Variants in PCDHA6 observed in about 807,000 individuals in gnomAD.
The protein encoded by PCDHA6 is protocadherin alpha-6.
Under a neutral mutation model 60.3 loss-of-function variants are expected in PCDHA6, and 55 were observed. The observed-to-expected ratio is 0.91, with a 90% confidence interval of 0.73 to 1.14. PCDHA6 has a LOEUF of 1.14. PCDHA6 is among the 50% of genes most tolerant of loss of function. The pLI is 0.00. For missense variants in PCDHA6, 1,327 were observed against 1,256.5 expected (o/e 1.06, Z -0.85); for synonymous variants, 652 against 557.9 (o/e 1.17, Z -2.38).
chr5:140,883,672 T>C (rs782302494), intron 1 of PCDHA6: 2 of 1,613,366 alleles, frequency 1.2e-6, no homozygotes, highest in Non-Finnish European at 1.7e-6. Context: ...AGGAAAACAA[T>C]CCGCCGGGCT....
chr5:140,846,178 G>T (rs2150385394), intron 1 of PCDHA6, among the ~76,000 whole-genome samples: 1 of 149,272 alleles, frequency 6.7e-6, no homozygotes, highest in Non-Finnish European at 1.5e-5. Context: ...GCCTGAGTAG[G>T]CGTTTGAGTT....
In PCDHA6 at chr5:140,828,791, G is replaced by A. The variant is rs2150159012; in HGVS notation, c.700G>A (p.Asp234Asn). The change falls in exon 1 of 4, where the codon GAT becomes AAT. Residue 234 changes from aspartate to asparagine, a missense_variant. Transcript: ENST00000529310. ...GTVQLLVTVLDVNDNAPTFEQ... is the reference protein window; with the variant it reads ...GTVQLLVTVLNVNDNAPTFEQ... ...TGTTCAGCTGCTGGTCACAGTGCTG[G>A]ATGTGAATGATAATGCTCCCACTTT... 1 of 1,614,192 alleles carries A rather than the reference G, an allele frequency of 6.2e-7. No individual in the cohort carries two copies. The highest frequency in any genetic ancestry group is 8.5e-7 in the Non-Finnish European group (1 of 1,180,020).
chr5:140,932,608 T>C (rs573580763), intron 1 of PCDHA6, among the ~76,000 whole-genome samples: 1 of 151,996 alleles, frequency 6.6e-6, no homozygotes, highest in African/African-American at 2.4e-5. Flanking sequence ...TATTTTGACT[T>C]TGAAGCTGAT....
chr5:140,912,889 G>T (rs782116758), intron 1 of PCDHA6, among the ~76,000 whole-genome samples: 8 of 152,140 alleles, frequency 5.3e-5, no homozygotes, highest in Non-Finnish European at 1.2e-4. Context: ...TCATTCTGTT[G>T]ATATGATGTA....
At chr5:140,980,835 T>A (rs2096907301) in intron 2 of PCDHA6, among the ~76,000 whole-genome samples, 1 of 152,220 alleles carries the variant, frequency 6.6e-6, no homozygotes, top group South Asian at 2.1e-4. Flanking sequence ...GTTGTGAACC[T>A]AAATAATACT....
At chr5:140,993,464 A>T (rs1309811031) in intron 3 of PCDHA6, among the ~76,000 whole-genome samples, 11 of 28,960 alleles carry the variant, frequency 3.8e-4, no homozygotes, top group South Asian at 2.7e-3. Flanking sequence ...TTTCTTTCTC[A>T]CACACACACA....
At chr5:140,876,172 G>C in intron 1 of PCDHA6, 1 of 1,613,970 alleles carries the variant, frequency 6.2e-7, no homozygotes, top group East Asian at 2.2e-5. Flanking sequence ...AACCGTCCTG[G>C]ATGTGAATGA....
At position 140,869,042 on chromosome 5, in the gene PCDHA6, A is replaced by G. The variant is rs74567119; in HGVS notation, c.2394+38557A>G. On this transcript the variant is annotated intron_variant, in intron 1 of 3. Transcript: ENST00000529310. The stretch of plus-strand genomic sequence containing the variant: ...GAATTCAACGAGATTTTTAACCTGA[A>G]ACTGAAGAATCTGGTACTGTAAGTG... The G allele has an allele frequency of 9.2e-4, 1,413 of 1,529,994 alleles. 13 individuals are homozygous for G. The African/African-American group carries it at 0.016, about 18-fold the overall frequency. The allele number at this position is 1,529,994 out of a possible 1,614,324, so 94.8% of individuals were successfully genotyped here.
At chr5:140,878,264 T>G (rs577205816) in intron 1 of PCDHA6, among the ~76,000 whole-genome samples, 83 of 152,314 alleles carry the variant, frequency 5.4e-4, no homozygotes, top group African/African-American at 1.9e-3. Flanking sequence ...TGCTTAGGCT[T>G]TTAAAATAGC....
At chr5:140,955,506 G>A (rs781377705) in intron 1 of PCDHA6, among the ~76,000 whole-genome samples, 3 of 152,222 alleles carry the variant, frequency 2.0e-5, no homozygotes, top group South Asian at 2.1e-4. Flanking sequence ...GAAGAAAGAC[G>A]TGTTTGCTTT....
intron 3 of PCDHA6, among the ~76,000 whole-genome samples, chr5:141,002,107 C>T (rs991036721): frequency 6.6e-6 from 1 of 152,246 alleles, no homozygotes. Context: ...GGGCCGGAAA[C>T]GGCTATAATC....
intron 1 of PCDHA6, among the ~76,000 whole-genome samples, chr5:140,922,508 C>A (rs2080871857): frequency 6.6e-6 from 1 of 152,090 alleles, no homozygotes; most frequent in African/African-American, 2.4e-5. Flanking sequence ...GCAGATGCAC[C>A]ATTATTTCAA....
chr5:140,843,027 G>A (rs2150350429), intron 1 of PCDHA6: 1 of 1,595,166 alleles, frequency 6.3e-7, no homozygotes, highest in South Asian at 1.1e-5. Flanking sequence ...CTGGAGCCTC[G>A]GGTGGGTGGC....
chr5:140,857,857 C>T lies in PCDHA6; in HGVS notation c.2394+27372C>T, dbSNP rs1415276512. On this transcript the variant is annotated intron_variant, in intron 1 of 3. Transcript: ENST00000529310. ...CAGTGGACGCTGACTCTGGATACAA[C>T]GCGTGGCTGTCGTATGAATTGCAGT... 10 of 1,597,784 alleles carry T rather than the reference C, an allele frequency of 6.3e-6. 2 individuals are homozygous for T. Among genetic ancestry groups the T allele is most frequent in the African/African-American group, 1.3e-5 (1 of 74,362 alleles).
chr5:140,888,487 ACT>A (rs1486157760), intron 1 of PCDHA6, among the ~76,000 whole-genome samples: 1 of 152,162 alleles, frequency 6.6e-6, no homozygotes, highest in Non-Finnish European at 1.5e-5. Flanking sequence ...CTGTTGAGAA[ACT>A]CTGCTTTAAA....
At chr5:140,967,591 G>A (rs1554229706) in intron 1 of PCDHA6, 1 of 1,614,154 alleles carries the variant, frequency 6.2e-7, no homozygotes, top group East Asian at 2.2e-5. Flanking sequence ...CAGGCACATT[G>A]GTGGTGAAGC....
At chr5:140,845,597 G>C (rs1779944998) in intron 1 of PCDHA6, among the ~76,000 whole-genome samples, 1 of 149,484 alleles carries the variant, frequency 6.7e-6, no homozygotes, top group African/African-American at 2.4e-5. Flanking sequence ...TCAGAAGTTA[G>C]TTATTAAGTA....
chr5:140,994,275 T>C (rs1296337913), intron 3 of PCDHA6, among the ~76,000 whole-genome samples: 1 of 152,156 alleles, frequency 6.6e-6, no homozygotes, highest in African/African-American at 2.4e-5. Flanking sequence ...AGGCTGCCTT[T>C]CTTGAGACAG....
At chr5:140,850,576 T>C (rs1554144521) in intron 1 of PCDHA6, 1 of 1,598,296 alleles carries the variant, frequency 6.3e-7, no homozygotes, top group East Asian at 2.2e-5. Flanking sequence ...GTGACGCTGG[T>C]GGATGTCAAC....
Sources: allele counts gnomAD v4.1 joint callset (sites outside exome capture counted in the v4.1 genomes callset), GRCh38; gene constraint gnomAD v4.1.1; transcripts MANE v1.5; gene names NCBI Gene and HGNC (gene_info 2026-07-23, HGNC 2026-07-21).